OXR1: variants seen among roughly 807,000 people sequenced by gnomAD.
The protein encoded by OXR1 is oxidation resistance protein 1.
A neutral mutation model predicts 104.6 loss-of-function variants in OXR1; 41 were observed. The ratio of observed to expected loss-of-function variants is 0.39; its 90% CI spans 0.31 to 0.51. OXR1 has a LOEUF of 0.51. OXR1 is among the 20% of genes least tolerant of loss of function. The pLI, the probability that OXR1 is intolerant of heterozygous loss-of-function variation, is 0.77. For missense variants in OXR1, 955 were observed against 1,031.9 expected, an observed-to-expected ratio of 0.93 and a Z score of 1.02; for synonymous variants, 348 against 348.4, an observed-to-expected ratio of 1.00 and a Z score of 0.01.
chr8:106,724,028 C>T (rs1833099513), intron 11 of OXR1, among the ~76,000 whole-genome samples: 2 of 151,928 alleles, frequency 1.3e-5, no homozygotes, highest in African/African-American at 4.8e-5. Context: ...TCAAGTAATC[C>T]TCCTGCCTCA....
intron 2 of OXR1, among the ~76,000 whole-genome samples, chr8:106,476,453 G>A (rs181644705): frequency 6.6e-6 from 1 of 152,038 alleles, no homozygotes; most frequent in Admixed American, 6.6e-5. Flanking sequence ...TCAGAGGTTA[G>A]CAGCTTTATA....
intron 3 of OXR1, among the ~76,000 whole-genome samples, chr8:106,547,587 G>A (rs898768116): frequency 6.9e-6 from 1 of 145,450 alleles, no homozygotes; most frequent in Non-Finnish European, 1.5e-5. Context: ...TCTGCCTCCC[G>A]AGTCCAAGCG....
At chr8:106,393,252 A>T (rs1817651099) in intron 2 of OXR1, among the ~76,000 whole-genome samples, 1 of 152,218 alleles carries the variant, frequency 6.6e-6, no homozygotes, top group African/African-American at 2.4e-5. Context: ...GAAGTAAGTC[A>T]ACACAAATTT....
At chr8:106,330,117 C>T (rs1163997682) in intron 1 of OXR1, among the ~76,000 whole-genome samples, 2 of 152,142 alleles carry the variant, frequency 1.3e-5, no homozygotes, top group African/African-American at 2.4e-5. Flanking sequence ...ATTCATACTG[C>T]CCCTTCTATT....
At chr8:106,280,010 A>G (rs1019766603) in intron 1 of OXR1, among the ~76,000 whole-genome samples, 15 of 152,178 alleles carry the variant, frequency 9.9e-5, no homozygotes, top group African/African-American at 3.4e-4. Flanking sequence ...AGAGAGAGAG[A>G]GACAGAGTTT....
chr8:106,457,860 T>C lies in OXR1; in HGVS notation c.24-61083T>C, dbSNP rs538918496. ...CCTGAGGACTATATGGAAGACAGAA[T>C]TGAAGAGCAATAAACTAGGATATCT... On this transcript the variant is annotated intron_variant, in intron 2 of 16. Coordinates refer to ENST00000517566, the MANE Select transcript of OXR1 (RefSeq NM_001198533.2). Among the ~76,000 whole-genome samples, 10 of 152,266 alleles carry C rather than the reference T, an allele frequency of 6.6e-5. No individual in the cohort carries two copies. The South Asian group carries it at 1.7e-3, about 25-fold the overall frequency.
At chr8:106,329,692 G>A (rs1814631325) in intron 1 of OXR1, among the ~76,000 whole-genome samples, 1 of 152,128 alleles carries the variant, frequency 6.6e-6, no homozygotes, top group Non-Finnish European at 1.5e-5. Flanking sequence ...TGGAGCACAG[G>A]ACCTTTTATG....
At chr8:106,643,218 A>G (rs1453383136) in intron 3 of OXR1, among the ~76,000 whole-genome samples, 2 of 152,206 alleles carry the variant, frequency 1.3e-5, no homozygotes, top group African/African-American at 4.8e-5. Flanking sequence ...CAAATATTTT[A>G]GGCTTTTTGG....
chr8:106,585,363 T>G (rs1034655959), intron 3 of OXR1, among the ~76,000 whole-genome samples: 3 of 152,118 alleles, frequency 2.0e-5, no homozygotes, highest in Non-Finnish European at 4.4e-5. Context: ...CCAGGTTATT[T>G]TATTCACTAT....
chr8:106,359,140 A>C (rs1268246909), intron 1 of OXR1, among the ~76,000 whole-genome samples: 2 of 145,970 alleles, frequency 1.4e-5, no homozygotes, highest in African/African-American at 2.6e-5. Flanking sequence ...TAATCTTTTT[A>C]TCACAGGTAT....
intron 15 of OXR1, among the ~76,000 whole-genome samples, chr8:106,743,079 A>T (rs890694781): frequency 1.3e-5 from 2 of 152,174 alleles, no homozygotes; most frequent in Non-Finnish European, 1.5e-5. Flanking sequence ...TCTACAAGGA[A>T]CTTAAGCAAA....
intron 2 of OXR1, among the ~76,000 whole-genome samples, chr8:106,428,132 T>C (rs1480963311): frequency 6.6e-6 from 1 of 152,124 alleles, no homozygotes; most frequent in Non-Finnish European, 1.5e-5. Flanking sequence ...TTTCCTCACA[T>C]AAGAAGAAAT....
chr8:106,695,881 T>C (rs1279203075), intron 7 of OXR1, among the ~76,000 whole-genome samples: 1 of 152,136 alleles, frequency 6.6e-6, no homozygotes, highest in East Asian at 1.9e-4. Context: ...GAGCAGAAAT[T>C]AGAATTCATA....
intron 2 of OXR1, among the ~76,000 whole-genome samples, chr8:106,375,723 T>C (rs943992274): frequency 1.3e-5 from 2 of 152,190 alleles, no homozygotes; most frequent in African/African-American, 4.8e-5. Flanking sequence ...CAGCTAGGCC[T>C]TGGAACAGAG....
intron 3 of OXR1, among the ~76,000 whole-genome samples, chr8:106,664,928 G>A (rs1244219469): frequency 2.0e-5 from 3 of 152,108 alleles, no homozygotes; most frequent in Admixed American, 6.5e-5. Context: ...TTTACCATAA[G>A]CTAATTGATG....
chr8:106,638,780 C>A (rs1823371196), intron 3 of OXR1, among the ~76,000 whole-genome samples: 1 of 151,884 alleles, frequency 6.6e-6, no homozygotes, highest in Non-Finnish European at 1.5e-5. Context: ...GTAGTCCCAG[C>A]TACTCAGGAG....
chr8:106,636,313 TC>T (rs1430000297), intron 3 of OXR1, among the ~76,000 whole-genome samples: 2 of 128,332 alleles, frequency 1.6e-5, no homozygotes, highest in Non-Finnish European at 3.3e-5. Context: ...GTAAAGCACA[TC>T]ATTTTTTTTT....
chr8:106,717,311 T>A (rs1044969326), intron 11 of OXR1, among the ~76,000 whole-genome samples: 1 of 152,242 alleles, frequency 6.6e-6, no homozygotes, highest in Non-Finnish European at 1.5e-5. Flanking sequence ...AAAGCCCTTA[T>A]ATAAAACAGT....
intron 3 of OXR1, among the ~76,000 whole-genome samples, chr8:106,615,813 G>C (rs1386930089): frequency 6.6e-6 from 1 of 152,096 alleles, no homozygotes; most frequent in African/African-American, 2.4e-5. Context: ...TAGCGTGCTT[G>C]GCAAATCTTG....
Sources: gnomAD v4.1 joint callset for allele counts (sites outside exome capture counted in the v4.1 genomes callset) on GRCh38, gnomAD v4.1.1 for gene constraint, MANE v1.5 for transcripts, NCBI Gene and HGNC (gene_info 2026-07-23, HGNC 2026-07-21) for gene names.